The following NTNG1 variants were observed in gnomAD, a reference collection of about 807,000 sequenced individuals.
The protein encoded by NTNG1 is netrin-G1.
NTNG1 carries 16 observed loss-of-function variants against 54.0 expected under a neutral mutation model. That is an observed-to-expected ratio of 0.30 (90% CI 0.20 to 0.45). The LOEUF is 0.45. NTNG1 is among the 20% of genes least tolerant of loss of function. The probability of loss-of-function intolerance (pLI) is 1.00; values close to 1 mark genes in which losing one functional copy is unlikely to be tolerated. For synonymous variants in NTNG1, 255 were observed against 263.1 expected (o/e 0.97, Z 0.30); for missense variants, 530 against 678.7 (o/e 0.78, Z 2.43).
At chr1:107,239,096 G>A (rs1661629196) in intron 2 of NTNG1, among the ~76,000 whole-genome samples, 2 of 152,028 alleles carry the variant, frequency 1.3e-5, no homozygotes, top group African/African-American at 2.4e-5. Context: ...TCACAAGTCG[G>A]GGAGCAAATA....
chr1:107,218,075 T>A (rs1344859454), intron 2 of NTNG1, among the ~76,000 whole-genome samples: 1 of 152,180 alleles, frequency 6.6e-6, no homozygotes, highest in Non-Finnish European at 1.5e-5. Flanking sequence ...TGTTGCTGTC[T>A]GTCTCAGCAA....
At chr1:107,296,018 A>G (rs1665923586) in intron 2 of NTNG1, among the ~76,000 whole-genome samples, 1 of 152,046 alleles carries the variant, frequency 6.6e-6, no homozygotes, top group Non-Finnish European at 1.5e-5. Flanking sequence ...TCTCTTTTAA[A>G]TAAGTGGTTT....
chr1:107,437,050 A>G (rs944931817), intron 7 of NTNG1, among the ~76,000 whole-genome samples: 1 of 152,168 alleles, frequency 6.6e-6, no homozygotes, highest in African/African-American at 2.4e-5. Context: ...GGAGATCCAT[A>G]TACCCGTCCA....
intron 2 of NTNG1, among the ~76,000 whole-genome samples, chr1:107,294,828 A>C (rs1665845819): frequency 6.6e-6 from 1 of 152,178 alleles, no homozygotes; most frequent in African/African-American, 2.4e-5. Flanking sequence ...ATCTTGTGAC[A>C]TTACATTAAA....
chr1:107,382,745 T>C (rs1380357972), intron 3 of NTNG1, among the ~76,000 whole-genome samples: 1 of 152,124 alleles, frequency 6.6e-6, no homozygotes, highest in Non-Finnish European at 1.5e-5. Context: ...CTTGGGTTTT[T>C]GGTTTTGTTT....
chr1:107,270,137 A>G (rs1664044055), intron 2 of NTNG1, among the ~76,000 whole-genome samples: 1 of 152,260 alleles, frequency 6.6e-6, no homozygotes, highest in South Asian at 2.1e-4. Context: ...AGACAGATGT[A>G]AAACAGTGAG....
At chr1:107,347,074 A>T (rs928751597) in intron 3 of NTNG1, among the ~76,000 whole-genome samples, 5 of 151,854 alleles carry the variant, frequency 3.3e-5, no homozygotes, top group African/African-American at 9.7e-5. Context: ...AAAAATGGTC[A>T]CAGTAAGGCT....
chr1:107,219,301 G>A (rs757811259), intron 2 of NTNG1, among the ~76,000 whole-genome samples: 2 of 152,062 alleles, frequency 1.3e-5, no homozygotes, highest in African/African-American at 2.4e-5. Context: ...TCTCACTGGA[G>A]ATGTTTCTAT....
chr1:107,378,143 C>T (rs918494873), intron 3 of NTNG1, among the ~76,000 whole-genome samples: 7 of 152,108 alleles, frequency 4.6e-5, no homozygotes, highest in African/African-American at 1.2e-4. Context: ...ATGTAGAAAC[C>T]GAAGCTCAGA....
chr1:107,377,529 A>C (rs1671368679), intron 3 of NTNG1, among the ~76,000 whole-genome samples: 1 of 152,212 alleles, frequency 6.6e-6, no homozygotes, highest in South Asian at 2.1e-4. Context: ...TGTCGAATCC[A>C]CCATAACTTC....
intron 3 of NTNG1, among the ~76,000 whole-genome samples, chr1:107,343,348 T>G (rs549647455): frequency 6.6e-6 from 1 of 152,226 alleles, no homozygotes; most frequent in South Asian, 2.1e-4. Flanking sequence ...ATTGGAAGTG[T>G]GTTCACATGA....
chr1:107,363,735 T>C (rs934139507), intron 3 of NTNG1, among the ~76,000 whole-genome samples: 2 of 152,218 alleles, frequency 1.3e-5, no homozygotes, highest in Non-Finnish European at 2.9e-5. Context: ...CACCATTTCA[T>C]ATTGATCACT....
chr1:107,260,093 AT>A (rs1296548854), intron 2 of NTNG1, among the ~76,000 whole-genome samples: 2 of 152,202 alleles, frequency 1.3e-5, no homozygotes, highest in Non-Finnish European at 2.9e-5. Flanking sequence ...GAAAATTAAA[AT>A]TTTGGCCATG....
At chr1:107,311,484 T>C (rs557097946) in intron 2 of NTNG1, among the ~76,000 whole-genome samples, 2 of 152,308 alleles carry the variant, frequency 1.3e-5, no homozygotes, top group African/African-American at 2.4e-5. Flanking sequence ...CCAGTAACTA[T>C]ATCAATCACA....
intron 7 of NTNG1, among the ~76,000 whole-genome samples, chr1:107,444,561 A>G (rs1676192747): frequency 6.6e-6 from 1 of 152,164 alleles, no homozygotes; most frequent in Non-Finnish European, 1.5e-5. Flanking sequence ...CTATTTAGCC[A>G]TCCTGTGCTC....
intron 7 of NTNG1, among the ~76,000 whole-genome samples, chr1:107,443,601 A>AT (rs1676118947): frequency 6.6e-6 from 1 of 152,126 alleles, no homozygotes; most frequent in African/African-American, 2.4e-5. Context: ...TAAAATGTCC[A>AT]GTTCACATTT....
At chr1:107,254,673 C>T (rs1002144752) in intron 2 of NTNG1, among the ~76,000 whole-genome samples, 5 of 151,874 alleles carry the variant, frequency 3.3e-5, no homozygotes, top group Admixed American at 2.0e-4. Context: ...AATGGGGAAT[C>T]GTAACAAATT....
intron 7 of NTNG1, chr1:107,460,346 G>A: frequency 1.9e-6 from 1 of 517,908 alleles, no homozygotes. Flanking sequence ...GTCAGAAAGA[G>A]GTGAGCTCAT....
rs567942273 is a variant in NTNG1 at position 107,368,010 on chromosome 1, G to A, written c.888-27144G>A. ...GGTCTGACCTCAACCCGCCTGCCTC[G>A]GCCTCCCAAAGTGCTGGGATTACAG... On this transcript the variant is annotated intron_variant, in intron 3 of 7. Transcript: ENST00000370068. Among the ~76,000 whole-genome samples the A allele has an allele frequency of 1.8e-4, 28 of 152,066 alleles. No homozygotes were observed. The South Asian group carries it at 5.4e-3, about 29-fold the overall frequency.
Sources: allele counts gnomAD v4.1 joint callset (sites outside exome capture counted in the v4.1 genomes callset), GRCh38; gene constraint gnomAD v4.1.1; transcripts MANE v1.5; gene names NCBI Gene and HGNC (gene_info 2026-07-23, HGNC 2026-07-21).